PSMA2: variants seen among roughly 807,000 people sequenced by gnomAD.
The protein encoded by PSMA2 is proteasome subunit alpha type-2.
Under a neutral mutation model 35.9 loss-of-function variants are expected in PSMA2, and 2 were observed. The observed-to-expected ratio is 0.06, with a 90% CI of 0.02 to 0.18. The LOEUF is 0.18. Ranked by LOEUF, PSMA2 falls within the 10% of genes least tolerant of loss-of-function variation. The pLI is 1.00. For missense variants in PSMA2, 126 were observed against 278.8 expected (o/e 0.45, Z 3.90); for synonymous variants, 97 against 98.2 (o/e 0.99, Z 0.07).
At position 42,927,270 on chromosome 7, in the gene PSMA2, A is replaced by G. The variant is rs1786229425; in HGVS notation, c.118+113T>C. The G allele has an allele frequency of 8.4e-6, 8 of 957,502 alleles. No individual in the cohort carries two copies. The East Asian group carries it at 2.1e-4, about 25-fold the overall frequency. 59.3% of individuals were successfully genotyped at this position (957,502 alleles called of 1,614,324 possible). ...CTCCAAAACACTGTAAATTAACAAA[A>G]AATTGTTAAAAATTATACTGCTGCA... On this transcript the variant is annotated intron_variant, in intron 2 of 7. Coordinates refer to ENST00000223321, the MANE Select transcript of PSMA2 (RefSeq NM_002787.5).
intron 1 of PSMA2, among the ~76,000 whole-genome samples, chr7:42,930,216 C>T (rs1786276817): frequency 6.3e-5 from 1 of 15,972 alleles, no homozygotes; most frequent in Non-Finnish European, 1.9e-4. Context: ...AACACACACA[C>T]ACACACACGC....
chr7:42,917,433 A>AT lies in PSMA2; in HGVS notation c.*140dup. Reference sequence around the variant, plus strand: ...AAGGTGGGTTTAACAGTTTATTAGGATTTATAAGTGTCATTTTAAAAACAG... The same window carrying AT: ...AAGGTGGGTTTAACAGTTTATTAGGATTTTATAAGTGTCATTTTAAAAACAG... On this transcript the variant is annotated 3_prime_UTR_variant, in exon 8 of 8. Transcript: ENST00000223321. 1.5e-6 allele frequency: 1 copy of AT among 654,480 alleles called. No homozygotes were observed. The highest frequency in any genetic ancestry group is 2.6e-6 in the Non-Finnish European group (1 of 383,766). The allele number at this position is 654,480 out of a possible 1,614,324, so 40.5% of individuals were successfully genotyped here.
At chr7:42,919,978 G>C in intron 6 of PSMA2, 2 of 739,166 alleles carry the variant, frequency 2.7e-6, no homozygotes, top group Non-Finnish European at 5.1e-6. Flanking sequence ...AGAAGATACT[G>C]GTGAGCTGGC....
At position 42,926,679 on chromosome 7, in the gene PSMA2, A is replaced by G. The variant is rs1562702513; in HGVS notation, c.119-11T>C. The G allele has an allele frequency of 3.8e-6, 6 of 1,588,428 alleles. No individual in the cohort carries two copies. The highest frequency in any genetic ancestry group is 3.8e-5 in the Admixed American group (2 of 52,964). ...CCACACCATTTGCAGCTTAAAAAAA[A>G]AGAGAGAGACATAAATGTTTAATCA... On this transcript the variant is annotated splice_polypyrimidine_tract_variant and intron_variant, in intron 2 of 7. Transcript: ENST00000223321.
In PSMA2 at chr7:42,924,782, T is replaced by C. The variant is rs1488340976; in HGVS notation, c.267A>G (p.Arg89=). ...MGPDYRVLVH[R]ARKLAQQYYL... ...AGTATTGTTGAGCTAGTTTTCGAGC[T>C]CTGTGCACAAGCACTCTAACAAGGA... is the stretch of plus-strand genomic sequence containing the variant. Residue 89 remains arginine (R), a synonymous_variant, in exon 4 of 8, where the codon AGA becomes AGG. Transcript: ENST00000223321. The C allele has an allele frequency of 6.2e-7, 1 of 1,611,876 alleles. No homozygotes were observed. The highest frequency in any genetic ancestry group is 1.3e-5 in the African/African-American group (1 of 74,880).
rs1012685664 is a variant in PSMA2, at chr7:42,924,374, A to G, written c.374+301T>C. On this transcript the variant is annotated intron_variant, in intron 4 of 7. Coordinates refer to ENST00000223321, the MANE Select transcript of PSMA2 (RefSeq NM_002787.5). ...GACTCAAAAAAAAAAAAAAAAAAAAAAAAAAGAAAAATTTAAAGTTGCAAT... is the reference window on the plus strand; with the variant it reads ...GACTCAAAAAAAAAAAAAAAAAAAAGAAAAAGAAAAATTTAAAGTTGCAAT... Among the ~76,000 whole-genome samples the G allele has an allele frequency of 1.8e-4, 28 of 151,430 alleles. No homozygotes were observed. The East Asian group carries it at 2.9e-3, about 16-fold the overall frequency.
At chr7:42,928,757 C>T (rs1786250756) in intron 1 of PSMA2, among the ~76,000 whole-genome samples, 2 of 152,160 alleles carry the variant, frequency 1.3e-5, no homozygotes, top group African/African-American at 2.4e-5. Context: ...TCCATCCCTC[C>T]TTGCTCCAAA....
At chr7:42,918,432 T>C (rs1335092022) in intron 6 of PSMA2, 2 of 152,224 alleles carry the variant, frequency 1.3e-5, no homozygotes, top group African/African-American at 2.4e-5. Context: ...AAAATCTTTT[T>C]CTTATAAGTT....
intron 5 of PSMA2, 105 bp downstream of exon 5, chr7:42,923,216 GAAAA>G: frequency 2.4e-6 from 2 of 840,636 alleles, no homozygotes; most frequent in Non-Finnish European, 3.7e-6. Flanking sequence ...AAGCCCAAGA[GAAAA>G]GAAGAAAATA....
At chr7:42,931,440 T>C (rs1245382340) in intron 1 of PSMA2, among the ~76,000 whole-genome samples, 2 of 152,156 alleles carry the variant, frequency 1.3e-5, no homozygotes, top group Admixed American at 6.5e-5. Flanking sequence ...TTTTCTACAA[T>C]AGAAAAACCT....
chr7:42,923,254 G>T, intron 5 of PSMA2, 71 bp downstream of exon 5: 2 of 1,156,696 alleles, frequency 1.7e-6, no homozygotes, highest in South Asian at 1.4e-5. Flanking sequence ...AAGTTTTTAT[G>T]GCTTCTATTT....
At chr7:42,922,466 G>GT (rs1314195978) in intron 5 of PSMA2, among the ~76,000 whole-genome samples, 1 of 152,004 alleles carries the variant, frequency 6.6e-6, no homozygotes, top group African/African-American at 2.4e-5. Context: ...GAAAACAATT[G>GT]TTTTTTAGAC....
intron 4 of PSMA2, 104 bp downstream of exon 4, chr7:42,924,571 A>G (rs1432485355): frequency 2.6e-6 from 3 of 1,157,850 alleles, no homozygotes; most frequent in Non-Finnish European, 3.6e-6. Flanking sequence ...CCACTTGTTA[A>G]GCAAATACAG....
At position 42,921,948 on chromosome 7, in the gene PSMA2, G is replaced by A. The variant is rs765337419; in HGVS notation, c.457-17C>T. On this transcript the variant is annotated splice_polypyrimidine_tract_variant and intron_variant, in intron 5 of 7. Coordinates refer to ENST00000223321, the MANE Select transcript of PSMA2 (RefSeq NM_002787.5). The stretch of plus-strand genomic sequence containing the variant: ...GTAAGCTCCCTAATCAGGAAAGAAA[G>A]AGTAAAAAACCATATTTTAAAACAC... 4 of 1,597,918 alleles carry A rather than the reference G, an allele frequency of 2.5e-6. No individual in the cohort carries two copies. Among genetic ancestry groups the A allele is most frequent in the Non-Finnish European group, 3.4e-6 (4 of 1,168,308 alleles).
chr7:42,921,953 A>C, intron 5 of PSMA2, 22 bp from the exon 6 acceptor site: 1 of 1,585,508 alleles, frequency 6.3e-7, no homozygotes, highest in South Asian at 1.1e-5. Context: ...AGAAAGAGTA[A>C]AAAACCATAT....
rs937703660 is a variant in PSMA2 at position 42,928,328 on chromosome 7, T to C, written c.42-869A>G. On this transcript the variant is annotated intron_variant, in intron 1 of 7. Transcript: ENST00000223321. The stretch of plus-strand genomic sequence containing the variant: ...ATGTTATTAAGAACATGTATGTGTC[T>C]GTTAAAAACCAAACAGCAGCACATA... Among the ~76,000 whole-genome samples, 5 of 152,228 alleles carry C rather than the reference T, an allele frequency of 3.3e-5. No homozygotes were observed. In the East Asian group the frequency reaches 7.7e-4, roughly 23 times the overall value.
At chr7:42,919,655 G>T in intron 6 of PSMA2, 1 of 569,320 alleles carries the variant, frequency 1.8e-6, no homozygotes, top group South Asian at 1.6e-5. Flanking sequence ...ACTTATGGCT[G>T]ATCCAGTGCT....
At chr7:42,930,934 T>C (rs145533379) in intron 1 of PSMA2, among the ~76,000 whole-genome samples, 1,807 of 152,260 alleles carry the variant, frequency 0.012, 22 homozygotes, top group Non-Finnish European at 0.02. Context: ...ATTAAATTAA[T>C]CTCGTTCAAA....
chr7:42,921,636 T>G, intron 6 of PSMA2: 1 of 369,800 alleles, frequency 2.7e-6, no homozygotes, highest in Non-Finnish European at 4.8e-6. Flanking sequence ...AACCATAGAA[T>G]GTAGAAAGAG....
Sources: gnomAD v4.1 joint callset for allele counts (sites outside exome capture counted in the v4.1 genomes callset) on GRCh38, gnomAD v4.1.1 for gene constraint, MANE v1.5 for transcripts, NCBI Gene and HGNC (gene_info 2026-07-23, HGNC 2026-07-21) for gene names.